Variants in AKNAD1 observed in about 807,000 individuals in gnomAD.
The protein encoded by AKNAD1 is protein AKNAD1.
Under a neutral mutation model 90.8 loss-of-function variants are expected in AKNAD1, and 67 were observed. The observed-to-expected ratio is 0.74, with a 90% CI of 0.61 to 0.90. AKNAD1 has a LOEUF of 0.90. Ranked by LOEUF, AKNAD1 falls within the 40% of genes least tolerant of loss-of-function variation. The pLI is 0.00. For missense variants in AKNAD1, 957 were observed against 975.4 expected (o/e 0.98, Z 0.25); for synonymous variants, 327 against 341.4 (o/e 0.96, Z 0.46).
At position 108,851,971 on chromosome 1, in the gene AKNAD1, A is replaced by C. The variant is rs111837270; in HGVS notation, c.694T>G (p.Ser232Ala). The change falls in exon 2 of 16, where the codon TCA becomes GCA. Residue 232 changes from serine to alanine, a missense_variant. Physicochemically the swap from Ser to Ala is moderately conservative, Grantham distance 99. Coordinates refer to ENST00000370001, the MANE Select transcript of AKNAD1 (RefSeq NM_152763.5). ...TTTTCAGTCTGCTGTTTCTGGGGTG[A>C]CTGCCCTTGATAACTTTTTTGTTTA... Reference protein sequence around the residue: ...GDKQKSYQGQSPQKQQTEKAN... With the variant: ...GDKQKSYQGQAPQKQQTEKAN... 0.013 allele frequency: 20,626 copies of C among 1,614,100 alleles called. 294 individuals carry two copies. The highest frequency in any genetic ancestry group is 0.052 in the South Asian group (4,743 of 91,080).
At chr1:108,832,962 A>G (rs982248433) in intron 9 of AKNAD1, among the ~76,000 whole-genome samples, 1 of 152,202 alleles carries the variant, frequency 6.6e-6, no homozygotes, top group Non-Finnish European at 1.5e-5. Flanking sequence ...ATTAACTGCA[A>G]TCCTAGGGTT....
chr1:108,841,391 G>A (rs1664547233), intron 6 of AKNAD1, among the ~76,000 whole-genome samples: 1 of 151,982 alleles, frequency 6.6e-6, no homozygotes, highest in African/African-American at 2.4e-5. Flanking sequence ...CAGAACATAA[G>A]ATTTTATGCT....
chr1:108,837,224 T>C (rs1428654867), intron 7 of AKNAD1: 2 of 207,500 alleles, frequency 9.6e-6, no homozygotes, highest in Admixed American at 1.1e-4. Flanking sequence ...TACAAAACTA[T>C]GAAGAAAAAA....
chr1:108,837,173 C>G (rs1217822142), intron 7 of AKNAD1: 1 of 157,774 alleles, frequency 6.3e-6, no homozygotes, highest in Non-Finnish European at 1.4e-5. Context: ...ACAAAGGTTG[C>G]AGTGAGCTGA....
At chr1:108,829,724 C>T (rs1570803204) in intron 10 of AKNAD1, among the ~76,000 whole-genome samples, 1 of 152,230 alleles carries the variant, frequency 6.6e-6, no homozygotes, top group African/African-American at 2.4e-5. Context: ...TCTTTCAGAC[C>T]CTGTCATCTG....
At chr1:108,857,632 C>T (rs2101231555), upstream of AKNAD1, 1 of 152,754 alleles carries the variant, frequency 6.5e-6, no homozygotes, top group South Asian at 2.1e-4. Flanking sequence ...TGTCTCATTC[C>T]CAACACCCTC....
chr1:108,856,093 T>C (rs1244288967), intron 1 of AKNAD1, among the ~76,000 whole-genome samples: 4 of 151,780 alleles, frequency 2.6e-5, no homozygotes, highest in African/African-American at 9.7e-5. Context: ...GCACAAGTAA[T>C]CCACCTGCCT....
intron 10 of AKNAD1, among the ~76,000 whole-genome samples, chr1:108,828,264 C>T (rs139237792): frequency 9.3e-4 from 141 of 151,618 alleles, no homozygotes; most frequent in Admixed American, 2.9e-3. Flanking sequence ...TGAGGGAGCA[C>T]GTGAAGGTGA....
At chr1:108,840,245 A>T (rs536282952) in intron 6 of AKNAD1, among the ~76,000 whole-genome samples, 119 of 152,326 alleles carry the variant, frequency 7.8e-4, no homozygotes, top group African/African-American at 2.7e-3. Context: ...ACAAAACACT[A>T]AGAAGAGAAT....
Position 108,823,563 on chromosome 1 carries a change from T to TA in AKNAD1, c.2059+2dup, listed in dbSNP as rs1351660525. ...CCTTTCTGAGGCCCCAGGTGAGTGTTACCTTTAGTTGGTTCTTTCCTGCAG... is the reference window on the plus strand; with the variant it reads ...CCTTTCTGAGGCCCCAGGTGAGTGTTAACCTTTAGTTGGTTCTTTCCTGCAG... On this transcript the variant is annotated splice_region_variant and intron_variant, in intron 12 of 15. Transcript: ENST00000370001. 6.2e-7 allele frequency: 1 copy of TA among 1,614,110 alleles called. No homozygotes were observed. The highest frequency in any genetic ancestry group is 1.7e-5 in the Admixed American group (1 of 60,022).
chr1:108,834,584 T>G (rs1664321430), intron 8 of AKNAD1, 56 bp from the exon 9 acceptor site: 1 of 1,461,500 alleles, frequency 6.8e-7, no homozygotes, highest in Non-Finnish European at 9.3e-7. Flanking sequence ...TTGAGCTACC[T>G]GGGAGCTCCA....
At chr1:108,821,268 T>C (rs1376076582) in intron 13 of AKNAD1, among the ~76,000 whole-genome samples, 1 of 152,094 alleles carries the variant, frequency 6.6e-6, no homozygotes, top group African/African-American at 2.4e-5. Flanking sequence ...CTGGTCAACA[T>C]GGTGAAACCC....
At chr1:108,821,120 G>A (rs1663799536) in intron 13 of AKNAD1, among the ~76,000 whole-genome samples, 1 of 151,352 alleles carries the variant, frequency 6.6e-6, no homozygotes, top group African/African-American at 2.4e-5. Flanking sequence ...AACTTTCTAT[G>A]AAGTATTCTG....
At chr1:108,843,630 C>G (rs927427302) in intron 5 of AKNAD1, among the ~76,000 whole-genome samples, 1 of 152,186 alleles carries the variant, frequency 6.6e-6, no homozygotes, top group Non-Finnish European at 1.5e-5. Context: ...ATTTAATCAA[C>G]ACATCAATGT....
chr1:108,817,338 C>T (rs933602002), intron 14 of AKNAD1, 161 bp from the exon 15 acceptor site: 7 of 773,406 alleles, frequency 9.1e-6, no homozygotes, highest in East Asian at 5.8e-5. Context: ...TGTGGCTGAC[C>T]GCAGCTGGGC....
intron 13 of AKNAD1, among the ~76,000 whole-genome samples, chr1:108,821,681 G>T (rs1381396248): frequency 2.0e-5 from 3 of 152,122 alleles, no homozygotes; most frequent in African/African-American, 7.2e-5. Context: ...TAATGATTAT[G>T]TTACAAAGAC....
chr1:108,847,710 C>G (rs1664742645), intron 5 of AKNAD1, among the ~76,000 whole-genome samples: 1 of 152,136 alleles, frequency 6.6e-6, no homozygotes, highest in African/African-American at 2.4e-5. Context: ...CAAGCTCATC[C>G]CTATTCCTTC....
At chr1:108,836,326 G>C (rs993131748) in intron 7 of AKNAD1, among the ~76,000 whole-genome samples, 4 of 152,216 alleles carry the variant, frequency 2.6e-5, no homozygotes, top group Non-Finnish European at 5.9e-5. Context: ...CATCCACGGT[G>C]GCTCAGGGCT....
chr1:108,845,765 G>T (rs755573044), intron 5 of AKNAD1, among the ~76,000 whole-genome samples: 7 of 152,212 alleles, frequency 4.6e-5, no homozygotes, highest in Non-Finnish European at 1.0e-4. Flanking sequence ...AGATATTGAT[G>T]TTGGACAAGG....
Sources: allele counts gnomAD v4.1 joint callset (sites outside exome capture counted in the v4.1 genomes callset), GRCh38; gene constraint gnomAD v4.1.1; transcripts MANE v1.5; gene names NCBI Gene and HGNC (gene_info 2026-07-23, HGNC 2026-07-21).